Variants in RANBP17 observed in about 807,000 individuals in gnomAD.
RANBP17 encodes the protein ran-binding protein 17.
In RANBP17, 158 loss-of-function variants were observed where a neutral mutation model predicts 141.2. The observed-to-expected ratio is 1.12, with a 90% CI of 0.98 to 1.28. RANBP17 has a LOEUF of 1.28. Ranked by LOEUF, RANBP17 falls within the 50% of genes most tolerant of loss-of-function variation. RANBP17 has a pLI of 0.00. For synonymous variants in RANBP17, 430 were observed against 450.0 expected (o/e 0.96, Z 0.56); for missense variants, 1,438 against 1,290.7 (o/e 1.11, Z -1.75).
chr5:170,999,774 C>A (rs1378099262), intron 14 of RANBP17, among the ~76,000 whole-genome samples: 3 of 152,074 alleles, frequency 2.0e-5, no homozygotes, highest in African/African-American at 4.8e-5. Flanking sequence ...CTATCTTAAC[C>A]ATTTTAAAGT....
chr5:171,234,854 A>G (rs1206352407), intron 22 of RANBP17, among the ~76,000 whole-genome samples: 1 of 152,204 alleles, frequency 6.6e-6, no homozygotes, highest in Non-Finnish European at 1.5e-5. Flanking sequence ...TGGAGTTTGG[A>G]AAATAGGTCT....
intron 5 of RANBP17, among the ~76,000 whole-genome samples, chr5:170,907,976 C>A (rs1248640495): frequency 6.6e-6 from 1 of 151,854 alleles, no homozygotes; most frequent in Non-Finnish European, 1.5e-5. Flanking sequence ...CAATGAAATA[C>A]CATTTCACAC....
chr5:170,914,363 T>C (rs1771776998), intron 8 of RANBP17, 123 bp downstream of exon 8: 1 of 665,900 alleles, frequency 1.5e-6, no homozygotes, highest in African/African-American at 1.8e-5. Flanking sequence ...TAAGTTCTTA[T>C]ATTTTCTGGG....
At chr5:171,246,144 G>T (rs1358047940) in intron 24 of RANBP17, among the ~76,000 whole-genome samples, 1 of 152,158 alleles carries the variant, frequency 6.6e-6, no homozygotes, top group African/African-American at 2.4e-5. Flanking sequence ...GCCTCCGAAA[G>T]TGCTGGGATT....
At chr5:171,171,623 C>T (rs1263012977) in intron 16 of RANBP17, among the ~76,000 whole-genome samples, 1 of 151,808 alleles carries the variant, frequency 6.6e-6, no homozygotes, top group Non-Finnish European at 1.5e-5. Context: ...AAATTCGTGT[C>T]CTAAAAGAAA....
At chr5:171,259,035 A>T (rs1399075334) in intron 24 of RANBP17, among the ~76,000 whole-genome samples, 4 of 152,188 alleles carry the variant, frequency 2.6e-5, no homozygotes, top group Non-Finnish European at 5.9e-5. Context: ...AAAAACAAAT[A>T]ATTCCCTTTA....
chr5:170,996,394 G>C (rs1778817738), intron 14 of RANBP17, among the ~76,000 whole-genome samples: 1 of 152,152 alleles, frequency 6.6e-6, no homozygotes, highest in African/African-American at 2.4e-5. Context: ...GAGTTCAGAG[G>C]AAGCAAAAAT....
intron 14 of RANBP17, among the ~76,000 whole-genome samples, chr5:171,006,031 C>T (rs1779576698): frequency 6.6e-6 from 1 of 152,080 alleles, no homozygotes; most frequent in Non-Finnish European, 1.5e-5. Context: ...AAATGCAAAT[C>T]AAAACCACAA....
chr5:170,876,366 G>GT (rs1347834510), intron 1 of RANBP17, among the ~76,000 whole-genome samples: 1 of 152,054 alleles, frequency 6.6e-6, no homozygotes, highest in Non-Finnish European at 1.5e-5. Context: ...ACTGCTTCTA[G>GT]TTGGCCATCT....
chr5:171,041,601 G>A (rs755178524), intron 14 of RANBP17, among the ~76,000 whole-genome samples: 9 of 152,036 alleles, frequency 5.9e-5, no homozygotes, highest in Non-Finnish European at 1.0e-4. Context: ...TAGGCTGCGT[G>A]GTATAGCCTA....
At chr5:171,239,480 C>T (rs186118190) in intron 22 of RANBP17, among the ~76,000 whole-genome samples, 7 of 152,252 alleles carry the variant, frequency 4.6e-5, no homozygotes, top group Admixed American at 3.9e-4. Context: ...GAATGGATAA[C>T]TTATTTTAGA....
chr5:171,171,338 CATTTA>C (rs745808874), intron 16 of RANBP17, 52 bp downstream of exon 16: 1 of 985,548 alleles, frequency 1.0e-6, no homozygotes, highest in Non-Finnish European at 1.5e-6. Flanking sequence ...CTAGCAGATG[CATTTA>C]ATTAACCAGG....
intron 9 of RANBP17, 72 bp from the exon 10 acceptor site, chr5:170,918,641 T>G: frequency 7.9e-7 from 1 of 1,266,192 alleles, no homozygotes; most frequent in Non-Finnish European, 1.1e-6. Flanking sequence ...TTAAGATGCT[T>G]TGGGGTTTTA....
intron 13 of RANBP17, 76 bp from the exon 14 acceptor site, chr5:170,968,166 T>C: frequency 9.6e-7 from 1 of 1,046,938 alleles, no homozygotes; most frequent in East Asian, 2.5e-5. Context: ...TTATATTACA[T>C]TTATGGTAAA....
At chr5:170,897,150 A>T (rs1321186461) in intron 5 of RANBP17, 2 of 823,878 alleles carry the variant, frequency 2.4e-6, no homozygotes, top group Non-Finnish European at 4.1e-6. Flanking sequence ...GATGTATTTG[A>T]TACCAAACAG....
chr5:171,040,781 T>C (rs1002934383), intron 14 of RANBP17, among the ~76,000 whole-genome samples: 2 of 152,136 alleles, frequency 1.3e-5, no homozygotes, highest in African/African-American at 4.8e-5. Flanking sequence ...AAGAGGAAAC[T>C]AGTGAAGAAG....
At chr5:170,947,348 T>C (rs1185543514) in intron 12 of RANBP17, among the ~76,000 whole-genome samples, 2 of 152,124 alleles carry the variant, frequency 1.3e-5, no homozygotes, top group Non-Finnish European at 2.9e-5. Context: ...GGAGATACAA[T>C]AGAGAACAAA....
chr5:170,932,316 G>GA (rs760251476), intron 12 of RANBP17, among the ~76,000 whole-genome samples: 27 of 151,342 alleles, frequency 1.8e-4, no homozygotes, highest in Non-Finnish European at 3.7e-4. Flanking sequence ...GGCTGAGACA[G>GA]TGGGGTTTTC....
Position 171,240,978 on chromosome 5 carries a change from A to C in RANBP17, c.2473A>C (p.Met825Leu). The change falls in exon 23 of 28, where the codon ATG becomes CTG. Residue 825 changes from methionine to leucine, a missense_variant. By Grantham distance (15) the Met-to-Leu change is conservative. Coordinates refer to ENST00000523189, the MANE Select transcript of RANBP17 (RefSeq NM_022897.5). Reference sequence around the variant, plus strand: ...CCTCTCAAAAGATCAGATTTATCCAATGAAACTCAAGGGCATCTCCATCTG... The same window carrying C: ...CCTCTCAAAAGATCAGATTTATCCACTGAAACTCAAGGGCATCTCCATCTG... ...GSLSKDQIYP[M>L]KLKGISICYS... 1 of 1,614,046 alleles carries C rather than the reference A, an allele frequency of 6.2e-7. No homozygotes were observed. Among genetic ancestry groups the C allele is most frequent in the Non-Finnish European group, 8.5e-7 (1 of 1,179,916 alleles).
Sources: allele counts gnomAD v4.1 joint callset (sites outside exome capture counted in the v4.1 genomes callset), GRCh38; gene constraint gnomAD v4.1.1; transcripts MANE v1.5; gene names NCBI Gene and HGNC (gene_info 2026-07-23, HGNC 2026-07-21).